The following C1orf21 variants were observed in gnomAD, a reference collection of about 807,000 sequenced individuals.
C1orf21 encodes the protein uncharacterized protein C1orf21.
Under a neutral mutation model 18.7 loss-of-function variants are expected in C1orf21, and 3 were observed. The observed-to-expected ratio is 0.16, with a 90% CI of 0.07 to 0.42. The LOEUF (loss-of-function observed/expected upper bound fraction) is 0.42. Among genes scored for constraint, C1orf21 ranks in the 10% least tolerant of loss-of-function variants. The pLI, the probability that C1orf21 is intolerant of heterozygous loss-of-function variation, is 0.99. For missense variants in C1orf21, 104 were observed against 143.6 expected, an observed-to-expected ratio of 0.72 and a Z score of 1.41; for synonymous variants, 41 against 46.4, an observed-to-expected ratio of 0.88 and a Z score of 0.47.
At chr1:184,601,679 G>A (rs1331687529) in intron 5 of C1orf21, among the ~76,000 whole-genome samples, 2 of 152,168 alleles carry the variant, frequency 1.3e-5, no homozygotes, top group East Asian at 3.9e-4. Context: ...AAGGTGGGCG[G>A]ATCATGAGGT....
Position 184,597,844 on chromosome 1 carries a change from G to A in C1orf21, c.267-557G>A, listed in dbSNP as rs187824990. Among the ~76,000 whole-genome samples the A allele has an allele frequency of 3.7e-3, 556 of 152,282 alleles. 2 individuals are homozygous for A. Among genetic ancestry groups the A allele is most frequent in the Admixed American group, 6.0e-3 (92 of 15,300 alleles). ...ACATGCGTCCTCCCACGTTCCAGTG[G>A]AATTGTGTTTTCAGAGGTGTATCTG... is the stretch of plus-strand genomic sequence containing the variant. On this transcript the variant is annotated intron_variant, in intron 4 of 5. Coordinates refer to ENST00000235307, the MANE Select transcript of C1orf21 (RefSeq NM_030806.4).
chr1:184,564,359 A>G (rs1659004390), intron 3 of C1orf21, among the ~76,000 whole-genome samples: 1 of 152,202 alleles, frequency 6.6e-6, no homozygotes, highest in Non-Finnish European at 1.5e-5. Context: ...CCCAGGCTGG[A>G]GAGCAATGGC....
chr1:184,428,626 T>C (rs1343680964), intron 1 of C1orf21, among the ~76,000 whole-genome samples: 1 of 152,370 alleles, frequency 6.6e-6, no homozygotes, highest in Non-Finnish European at 1.5e-5. Flanking sequence ...AGTAATACTT[T>C]GTAGACATTT....
intron 2 of C1orf21, among the ~76,000 whole-genome samples, chr1:184,478,383 C>T (rs1324231690): frequency 6.6e-6 from 1 of 152,124 alleles, no homozygotes; most frequent in Non-Finnish European, 1.5e-5. Flanking sequence ...CCCATGGCCA[C>T]ACCTGGTCTG....
intron 1 of C1orf21, among the ~76,000 whole-genome samples, chr1:184,407,516 T>G (rs536083534): frequency 1.3e-5 from 2 of 152,338 alleles, no homozygotes; most frequent in African/African-American, 4.8e-5. Context: ...GGTCACATCC[T>G]GAGTTGTGCC....
At chr1:184,466,937 T>A (rs1657407602) in intron 1 of C1orf21, among the ~76,000 whole-genome samples, 1 of 152,194 alleles carries the variant, frequency 6.6e-6, no homozygotes, top group South Asian at 2.1e-4. Context: ...GGGGGCAGAT[T>A]AGGGCCAGTC....
At chr1:184,491,920 A>G (rs1657821958) in intron 2 of C1orf21, among the ~76,000 whole-genome samples, 1 of 152,222 alleles carries the variant, frequency 6.6e-6, no homozygotes, top group African/African-American at 2.4e-5. Flanking sequence ...CTTGCTCTTC[A>G]TTCTGAGGCG....
chr1:184,578,948 A>G (rs1659233230), intron 3 of C1orf21, among the ~76,000 whole-genome samples: 1 of 150,338 alleles, frequency 6.7e-6, no homozygotes, highest in Admixed American at 6.7e-5. Flanking sequence ...CATTTAGTCC[A>G]TCACTGAAGA....
chr1:184,532,042 G>C lies in C1orf21; in HGVS notation c.189+24360G>C, dbSNP rs150751244. On this transcript the variant is annotated intron_variant, in intron 3 of 5. Coordinates refer to ENST00000235307, the MANE Select transcript of C1orf21 (RefSeq NM_030806.4). The stretch of plus-strand genomic sequence containing the variant: ...GAACTTTTCAGACAATTTCATGTAG[G>C]TTTTTTTTTTTAATTTAGGGAGAGG... 1.8e-4 allele frequency among the ~76,000 whole-genome samples: 26 copies of C among 146,916 alleles called. No individual in the cohort carries two copies. In the East Asian group the frequency reaches 4.8e-3, roughly 27 times the overall value.
intron 1 of C1orf21, among the ~76,000 whole-genome samples, chr1:184,420,428 G>A (rs1656528654): frequency 6.6e-6 from 1 of 152,120 alleles, no homozygotes; most frequent in Admixed American, 6.5e-5. Flanking sequence ...TAGCTATAAA[G>A]TTCACTGTCA....
intron 3 of C1orf21, among the ~76,000 whole-genome samples, chr1:184,532,353 G>A (rs1198419358): frequency 6.6e-6 from 1 of 152,190 alleles, no homozygotes; most frequent in African/African-American, 2.4e-5. Context: ...TCACTTGGAA[G>A]GTTTCTAGTA....
rs577056986 is a variant in C1orf21, at chr1:184,577,678, C to T, written c.190-13061C>T. On this transcript the variant is annotated intron_variant, in intron 3 of 5. Transcript: ENST00000235307. ...ACTTTTTGTTTTTAGCTTTGACATG[C>T]GCAGTTTCTCAGTTTAGTGGGAAAA... 4.6e-5 allele frequency among the ~76,000 whole-genome samples: 7 copies of T among 152,058 alleles called. No homozygotes were observed. The East Asian group carries it at 9.7e-4, about 21-fold the overall frequency.
rs192255059 is a variant in C1orf21, at chr1:184,461,059, C to T, written c.-124-16327C>T. On this transcript the variant is annotated intron_variant, in intron 1 of 5. Transcript: ENST00000235307. ...AGTATTGTCAGTATCAGCACCTCAC[C>T]TCACTCCTGGGACCCAGGAACACCC... Among the ~76,000 whole-genome samples, 231 of 152,248 alleles carry T rather than the reference C, an allele frequency of 1.5e-3. 2 individuals carry two copies. The highest frequency in any genetic ancestry group is 5.4e-3 in the African/African-American group (226 of 41,548).
At chr1:184,512,984 C>T (rs993844881) in intron 3 of C1orf21, among the ~76,000 whole-genome samples, 1 of 152,228 alleles carries the variant, frequency 6.6e-6, no homozygotes, top group Non-Finnish European at 1.5e-5. Flanking sequence ...AGAACAAGCC[C>T]TATCGTGAAC....
At chr1:184,496,160 G>A (rs1457711964) in intron 2 of C1orf21, among the ~76,000 whole-genome samples, 5 of 152,078 alleles carry the variant, frequency 3.3e-5, no homozygotes, top group African/African-American at 1.2e-4. Context: ...CCAAGGCCAG[G>A]TCTACCCATA....
chr1:184,566,744 T>C (rs763480435), intron 3 of C1orf21: 27 of 395,632 alleles, frequency 6.8e-5, no homozygotes, highest in Non-Finnish European at 1.2e-4. Context: ...TACCAGATGA[T>C]TCCTGGCAGG....
Position 184,510,520 on chromosome 1 carries a change from C to T in C1orf21, c.189+2838C>T, listed in dbSNP as rs115237721. Among the ~76,000 whole-genome samples, 402 of 152,290 alleles carry T rather than the reference C, an allele frequency of 2.6e-3. 1 individual carries two copies. The highest frequency in any genetic ancestry group is 9.2e-3 in the African/African-American group (383 of 41,576). On this transcript the variant is annotated intron_variant, in intron 3 of 5. Coordinates refer to ENST00000235307, the MANE Select transcript of C1orf21 (RefSeq NM_030806.4). ...CATCAGGACCTACTTCATGAAAAAG[C>T]TGACATTTACGATGGGCCTCAAAGT...
chr1:184,468,954 G>A (rs546347768), intron 1 of C1orf21, among the ~76,000 whole-genome samples: 1 of 151,942 alleles, frequency 6.6e-6, no homozygotes, highest in East Asian at 1.9e-4. Context: ...AAACAAAAAG[G>A]CCGGGCTTGG....
At chr1:184,526,124 A>G (rs1373507804) in intron 3 of C1orf21, among the ~76,000 whole-genome samples, 7 of 152,178 alleles carry the variant, frequency 4.6e-5, no homozygotes, top group Non-Finnish European at 1.0e-4. Context: ...AGTTAACCAT[A>G]TTGTCCAAGG....
Sources: gnomAD v4.1 joint callset for allele counts (sites outside exome capture counted in the v4.1 genomes callset) on GRCh38, gnomAD v4.1.1 for gene constraint, MANE v1.5 for transcripts, NCBI Gene and HGNC (gene_info 2026-07-23, HGNC 2026-07-21) for gene names.